Variants in COL4A6 observed in about 807,000 individuals in gnomAD.
The protein encoded by COL4A6 is collagen type IV alpha 6 chain.
In COL4A6, 59 loss-of-function variants were observed where a neutral mutation model predicts 126.7. That is an observed-to-expected ratio of 0.47 (90% confidence interval 0.38 to 0.58). The LOEUF (loss-of-function observed/expected upper bound fraction) is 0.58. Ranked by LOEUF, COL4A6 falls within the 20% of genes least tolerant of loss-of-function variation. The pLI is 0.00. For missense variants in COL4A6, 1,285 were observed against 1,337.3 expected, an observed-to-expected ratio of 0.96 and a Z score of 0.61; for synonymous variants, 547 against 496.6, an observed-to-expected ratio of 1.10 and a Z score of -1.35.
chrX:108,221,015 T>C, intron 4 of COL4A6: 2 of 444,090 alleles, frequency 4.5e-6, no homozygotes, highest in Non-Finnish European at 8.3e-6. Context: ...GGAGAATCAT[T>C]TGAACCCAAG....
In COL4A6 at chrX:108,204,452, C is replaced by T. The variant is rs187795033; in HGVS notation, c.688-40G>A. The T allele has an allele frequency of 7.4e-4, 827 of 1,110,102 alleles. 9 individuals are homozygous for T. The East Asian group carries it at 0.022, about 29-fold the overall frequency. 91.5% of individuals were successfully genotyped at this position (1,110,102 alleles called of 1,213,427 possible). ...GGAACATTAAGCAAAGTGACAATCA[C>T]ACCGACCGTTTTTCCAGAGTGGGGG... On this transcript the variant is annotated intron_variant, in intron 11 of 44. Transcript: ENST00000334504.
chrX:108,370,106 C>T, intron 2 of COL4A6, among the ~76,000 whole-genome samples: 1 of 112,363 alleles, frequency 8.9e-6, no homozygotes, highest in East Asian at 2.8e-4. Flanking sequence ...CACTACAAAG[C>T]AGCCATGTTT....
At chrX:108,157,780 C>T (rs1170470895) in intron 44 of COL4A6, among the ~76,000 whole-genome samples, 2 of 111,713 alleles carry the variant, frequency 1.8e-5, no homozygotes, top group African/African-American at 3.3e-5. Context: ...AATACCCTGG[C>T]CCTCACCTCA....
intron 5 of COL4A6, 132 bp downstream of exon 5, chrX:108,219,566 T>G (rs2035954660): frequency 1.7e-6 from 1 of 603,053 alleles, no homozygotes; most frequent in African/African-American, 2.3e-5. Context: ...CCTTTAAACC[T>G]CACCATACAT....
At position 108,178,818 on chromosome X, in the gene COL4A6, C is replaced by A; in HGVS notation, c.2381G>T (p.Gly794Val). ...KGVHGKPGLL[G>V]PKGERGSPGT... The stretch of plus-strand genomic sequence containing the variant: ...AGGGCTGCCCCGCTCACCTTTGGGG[C>A]CTAGTAAGCCAGGCTTCCCGTGCAC... The change falls in exon 27 of 45, where the codon GGC becomes GTC. Residue 794 changes from glycine (G) to valine (V), a missense_variant. Coordinates refer to ENST00000334504, the MANE Select transcript of COL4A6 (RefSeq NM_033641.4). The A allele has an allele frequency of 8.3e-6, 10 of 1,210,113 alleles. No individual in the cohort carries two copies. The highest frequency in any genetic ancestry group is 1.1e-5 in the Non-Finnish European group (10 of 895,044).
intron 3 of COL4A6, among the ~76,000 whole-genome samples, chrX:108,249,007 G>A (rs1036582370): frequency 9.1e-6 from 1 of 109,509 alleles, no homozygotes; most frequent in African/African-American, 3.3e-5. Flanking sequence ...CCCCACATGG[G>A]ACCATCTAGT....
At chrX:108,180,858 C>A (rs1483367492) in intron 24 of COL4A6, 39 bp downstream of exon 24, 1 of 1,156,536 alleles carries the variant, frequency 8.6e-7, no homozygotes, top group Non-Finnish European at 1.2e-6. Context: ...ATGGCCCTTA[C>A]AAGAGTGTTT....
At chrX:108,184,044 G>A (rs2034771811) in intron 23 of COL4A6, among the ~76,000 whole-genome samples, 1 of 111,761 alleles carries the variant, frequency 8.9e-6, no homozygotes, top group Non-Finnish European at 1.9e-5. Flanking sequence ...CACACTAGTA[G>A]GCTGAAAGGC....
At chrX:108,287,611 T>G (rs1169252594) in intron 3 of COL4A6, among the ~76,000 whole-genome samples, 2 of 111,843 alleles carry the variant, frequency 1.8e-5, no homozygotes, top group Non-Finnish European at 3.8e-5. Flanking sequence ...CAGCCCTATA[T>G]GATCTCTGAG....
chrX:108,321,820 C>T (rs780961311), intron 2 of COL4A6, among the ~76,000 whole-genome samples: 1 of 111,188 alleles, frequency 9.0e-6, no homozygotes, highest in South Asian at 3.9e-4. Context: ...TAATGGCTAC[C>T]GTGAGCATCT....
intron 3 of COL4A6, among the ~76,000 whole-genome samples, chrX:108,223,168 G>A (rs1398115813): frequency 9.0e-6 from 1 of 111,400 alleles, no homozygotes; most frequent in African/African-American, 3.3e-5. Flanking sequence ...CTCATACGTG[G>A]GAGTTGAACA....
At chrX:108,291,108 A>G (rs1050848461) in intron 3 of COL4A6, among the ~76,000 whole-genome samples, 7 of 111,590 alleles carry the variant, frequency 6.3e-5, no homozygotes, top group Non-Finnish European at 9.4e-5. Flanking sequence ...CACAGAATCA[A>G]CCTAGGCTTC....
At chrX:108,325,036 C>T (rs2039119346) in intron 2 of COL4A6, among the ~76,000 whole-genome samples, 1 of 112,151 alleles carries the variant, frequency 8.9e-6, no homozygotes, top group South Asian at 3.7e-4. Context: ...GTCACGTATG[C>T]CTACATTTCT....
intron 2 of COL4A6, among the ~76,000 whole-genome samples, chrX:108,391,567 G>C (rs996963183): frequency 8.9e-6 from 1 of 112,100 alleles, no homozygotes; most frequent in African/African-American, 3.2e-5. Flanking sequence ...TCAGACTGCT[G>C]TGCTAGCAGC....
chrX:108,219,301 T>C (rs1424185338), intron 5 of COL4A6, among the ~76,000 whole-genome samples: 2 of 112,223 alleles, frequency 1.8e-5, no homozygotes, highest in Non-Finnish European at 3.8e-5. Context: ...CAAGATATCA[T>C]GAAGGATTTT....
intron 2 of COL4A6, among the ~76,000 whole-genome samples, chrX:108,349,011 T>A (rs1224693960): frequency 2.7e-5 from 3 of 111,407 alleles, no homozygotes; most frequent in Non-Finnish European, 3.8e-5. Context: ...TCCAGTGCCA[T>A]GACATGGATA....
intron 3 of COL4A6, among the ~76,000 whole-genome samples, chrX:108,289,212 A>G (rs148819755): frequency 3.9e-3 from 407 of 105,606 alleles, no homozygotes; most frequent in African/African-American, 0.014. Flanking sequence ...ATATTTTATC[A>G]ATGTTATATT....
chrX:108,245,787 C>T (rs147952421), intron 3 of COL4A6, among the ~76,000 whole-genome samples: 235 of 111,796 alleles, frequency 2.1e-3, no homozygotes, highest in Non-Finnish European at 3.7e-3. Context: ...TCAAGCTCTA[C>T]GGCCTAATAT....
chrX:108,180,543 TG>T lies in COL4A6; in HGVS notation c.2102del (p.Pro701GlnfsTer36). The T allele has an allele frequency of 8.3e-7, 1 of 1,207,597 alleles. No individual in the cohort carries two copies. The highest frequency in any genetic ancestry group is 1.1e-6 in the Non-Finnish European group (1 of 893,987). On this transcript the variant is annotated frameshift_variant, in exon 25 of 45. Transcript: ENST00000334504. LOFTEE classifies it high-confidence loss of function. ...GTAATTCAGGAAGATGAACCAATCC[TG>T]GACTCCCTGGCTCTCCTTTACTTCC... ...SSGSKGEPGS[P>X]GLVHLPELPG...
Sources: gnomAD v4.1 joint callset for allele counts (sites outside exome capture counted in the v4.1 genomes callset) on GRCh38, gnomAD v4.1.1 for gene constraint, MANE v1.5 for transcripts, NCBI Gene and HGNC (gene_info 2026-07-23, HGNC 2026-07-21) for gene names.